DOCK7: variants seen among roughly 807,000 people sequenced by gnomAD.
DOCK7 encodes dedicator of cytokinesis 7, also known as dedicator of cytokinesis protein 7.
DOCK7 carries 138 observed loss-of-function variants against 271.0 expected under a neutral mutation model. The ratio of observed to expected loss-of-function variants is 0.51; its 90% CI spans 0.44 to 0.59. The LOEUF is 0.59. DOCK7 is among the 20% of genes least tolerant of loss of function. DOCK7 has a pLI of 0.00. For missense variants in DOCK7, 2,066 were observed against 2,592.4 expected (o/e 0.80, Z 4.41); for synonymous variants, 823 against 876.1 (o/e 0.94, Z 1.07).
At chr1:62,496,791 T>G (rs1646636515) in intron 37 of DOCK7, among the ~76,000 whole-genome samples, 1 of 152,168 alleles carries the variant, frequency 6.6e-6, no homozygotes, top group Non-Finnish European at 1.5e-5. Flanking sequence ...GTTATTAATA[T>G]AACATTTTAC....
intron 1 of DOCK7, among the ~76,000 whole-genome samples, chr1:62,677,696 GCC>G (rs1358746405): frequency 2.6e-5 from 4 of 152,098 alleles, no homozygotes; most frequent in African/African-American, 4.8e-5. Context: ...AAGAAGAAAA[GCC>G]CCAAATAAAG....
intron 16 of DOCK7, among the ~76,000 whole-genome samples, chr1:62,581,986 T>A (rs1358261912): frequency 6.6e-6 from 1 of 152,172 alleles, no homozygotes; most frequent in African/African-American, 2.4e-5. Context: ...GATTGACTTA[T>A]ATTCTGGAAG....
chr1:62,650,863 C>A (rs2149685686), intron 4 of DOCK7, among the ~76,000 whole-genome samples: 1 of 152,292 alleles, frequency 6.6e-6, no homozygotes, highest in Non-Finnish European at 1.5e-5. Flanking sequence ...TAAACTAGTT[C>A]AACCACTGTG....
chr1:62,504,809 C>T (rs763437826), intron 36 of DOCK7, 27 bp from the exon 37 acceptor site: 10 of 1,606,110 alleles, frequency 6.2e-6, no homozygotes, highest in African/African-American at 1.3e-5. Context: ...CAAACCACCA[C>T]TGAATTTTTA....
chr1:62,516,416 A>G (rs971839584), intron 31 of DOCK7, among the ~76,000 whole-genome samples: 1 of 152,218 alleles, frequency 6.6e-6, no homozygotes, highest in Non-Finnish European at 1.5e-5. Flanking sequence ...TCCCAAAGAC[A>G]TTGATAGCAA....
intron 12 of DOCK7, 96 bp downstream of exon 12, chr1:62,625,163 C>T: frequency 7.0e-5 from 75 of 1,072,512 alleles, no homozygotes; most frequent in South Asian, 2.4e-4. Context: ...TTGGAATCAC[C>T]CTCCCATACA....
chr1:62,664,261 C>T (rs1374220306), intron 1 of DOCK7, among the ~76,000 whole-genome samples: 1 of 152,162 alleles, frequency 6.6e-6, no homozygotes, highest in Non-Finnish European at 1.5e-5. Context: ...TTATAGCTCC[C>T]ATAATTCCCA....
intron 1 of DOCK7, among the ~76,000 whole-genome samples, chr1:62,683,589 T>A (rs921512555): frequency 6.6e-6 from 1 of 152,200 alleles, no homozygotes; most frequent in South Asian, 2.1e-4. Context: ...GCAGTGACAC[T>A]GTTAGGAAAC....
At chr1:62,621,372 A>G (rs1463752444) in intron 12 of DOCK7, among the ~76,000 whole-genome samples, 1 of 152,222 alleles carries the variant, frequency 6.6e-6, no homozygotes, top group Non-Finnish European at 1.5e-5. Flanking sequence ...CTTACAATTA[A>G]AATAGCTAGA....
rs543247913 is a variant in DOCK7 at position 62,589,880 on chromosome 1, TA to T, written c.1683-3257del. On this transcript the variant is annotated intron_variant, in intron 14 of 49. Coordinates refer to ENST00000635253, the MANE Select transcript of DOCK7 (RefSeq NM_001367561.1). ...CTGGGTGACAGAGCAAGACTCCATC[TA>T]AAAAAAAAAAAAAAAAAAAAGTATA... 9.9e-3 allele frequency among the ~76,000 whole-genome samples: 983 copies of T among 99,590 alleles called. 9 individuals carry two copies. The highest frequency in any genetic ancestry group is 0.02 in the Middle Eastern group (4 of 196). 65.3% of individuals were successfully genotyped at this position (99,590 alleles called of 152,430 possible). A position where few individuals can be genotyped will look rare whatever the true frequency, so the allele number is the denominator to read the frequency against.
chr1:62,618,028 T>G (rs995357595), intron 14 of DOCK7, among the ~76,000 whole-genome samples: 5 of 152,016 alleles, frequency 3.3e-5, no homozygotes, highest in African/African-American at 1.2e-4. Flanking sequence ...AATCCAAATT[T>G]CTGTTTTAGA....
chr1:62,473,064 G>A (rs1420192880), intron 48 of DOCK7, among the ~76,000 whole-genome samples: 2 of 152,140 alleles, frequency 1.3e-5, no homozygotes, highest in Non-Finnish European at 2.9e-5. Context: ...ATAAATCACA[G>A]GCACCAGTAT....
At chr1:62,615,628 T>C (rs753123690) in intron 14 of DOCK7, among the ~76,000 whole-genome samples, 1 of 151,750 alleles carries the variant, frequency 6.6e-6, no homozygotes, top group African/African-American at 2.4e-5. Context: ...GTAACTCTAA[T>C]CTTTATGATG....
At chr1:62,501,975 A>G (rs1185861874) in intron 37 of DOCK7, among the ~76,000 whole-genome samples, 3 of 152,186 alleles carry the variant, frequency 2.0e-5, no homozygotes, top group African/African-American at 7.2e-5. Context: ...CAAAAGCAGC[A>G]ATGTAATCAA....
intron 31 of DOCK7, among the ~76,000 whole-genome samples, chr1:62,516,030 A>T (rs764718410): frequency 1.3e-5 from 2 of 152,044 alleles, no homozygotes; most frequent in Non-Finnish European, 2.9e-5. Context: ...TCCTTGAGGA[A>T]AAAAAAAGCA....
intron 16 of DOCK7, among the ~76,000 whole-genome samples, chr1:62,581,276 G>C (rs997847054): frequency 6.6e-6 from 1 of 152,110 alleles, no homozygotes; most frequent in Non-Finnish European, 1.5e-5. Flanking sequence ...GAATGGCCCA[G>C]AAACAGGACA....
At chr1:62,483,457 A>C (rs929690904) in intron 43 of DOCK7, 1 of 152,022 alleles carries the variant, frequency 6.6e-6, no homozygotes, top group African/African-American at 2.4e-5. Flanking sequence ...TAACTACCAG[A>C]AAGTATCTCC....
At chr1:62,501,744 T>C (rs1203531853) in intron 37 of DOCK7, among the ~76,000 whole-genome samples, 1 of 152,092 alleles carries the variant, frequency 6.6e-6, no homozygotes, top group Non-Finnish European at 1.5e-5. Context: ...TCTGGATTTA[T>C]ATACACGTAA....
chr1:62,522,433 A>C (rs978904490), intron 31 of DOCK7, among the ~76,000 whole-genome samples: 2 of 152,134 alleles, frequency 1.3e-5, no homozygotes, highest in Non-Finnish European at 1.5e-5. Flanking sequence ...CAAAAAGCAA[A>C]ACAATACAGC....
Sources: allele counts gnomAD v4.1 joint callset (sites outside exome capture counted in the v4.1 genomes callset), GRCh38; gene constraint gnomAD v4.1.1; transcripts MANE v1.5; gene names NCBI Gene and HGNC (gene_info 2026-07-23, HGNC 2026-07-21).